Variants in CCDC148 observed in about 807,000 individuals in gnomAD.
CCDC148 encodes the protein coiled-coil domain-containing protein 148.
Under a neutral mutation model 85.7 loss-of-function variants are expected in CCDC148, and 89 were observed. That is an observed-to-expected ratio of 1.04 (90% CI 0.87 to 1.24). CCDC148 has a LOEUF of 1.24. Among genes scored for constraint, CCDC148 ranks in the 50% most tolerant of loss-of-function variants. The pLI, the probability that CCDC148 is intolerant of heterozygous loss-of-function variation, is 0.00. For synonymous variants in CCDC148, 230 were observed against 213.9 expected (o/e 1.08, Z -0.66); for missense variants, 692 against 671.7 (o/e 1.03, Z -0.33).
intron 1 of CCDC148, among the ~76,000 whole-genome samples, chr2:158,392,356 C>T (rs1474774191): frequency 1.3e-5 from 2 of 152,108 alleles, no homozygotes; most frequent in Admixed American, 1.3e-4. Context: ...CCTACTAATG[C>T]ACTTTTCAGC....
chr2:158,328,068 G>C (rs1044469132), intron 7 of CCDC148, among the ~76,000 whole-genome samples: 4 of 151,812 alleles, frequency 2.6e-5, no homozygotes, highest in African/African-American at 9.7e-5. Context: ...ACAATGTGCA[G>C]GTTAGTCATG....
In CCDC148 at chr2:158,456,539, C is replaced by T. The variant is rs1415360593; in HGVS notation, c.-100G>A. Reference sequence around the variant, plus strand: ...GCCGTCAGGGGTACATCTAAGGGCTCAGCTGTTCCTACCTTTGACGCCAGG... The same window carrying T: ...GCCGTCAGGGGTACATCTAAGGGCTTAGCTGTTCCTACCTTTGACGCCAGG... On this transcript the variant is annotated 5_prime_UTR_variant, in exon 1 of 14. Coordinates refer to ENST00000283233, the MANE Select transcript of CCDC148 (RefSeq NM_138803.4). 1 of 1,442,692 alleles carries T rather than the reference C, an allele frequency of 6.9e-7. No homozygotes were observed. Among genetic ancestry groups the T allele is most frequent in the African/African-American group, 1.4e-5 (1 of 70,238 alleles). 89.4% of individuals were successfully genotyped at this position (1,442,692 alleles called of 1,614,324 possible). A position where few individuals can be genotyped will look rare whatever the true frequency, so the allele number is the denominator to read the frequency against.
intron 3 of CCDC148, among the ~76,000 whole-genome samples, chr2:158,343,029 C>T (rs1682808082): frequency 6.6e-6 from 1 of 152,114 alleles, no homozygotes; most frequent in Non-Finnish European, 1.5e-5. Context: ...TGTTTTTAGA[C>T]ATGGGGTCTC....
intron 2 of CCDC148, among the ~76,000 whole-genome samples, chr2:158,346,557 G>A (rs549808509): frequency 2.6e-5 from 4 of 152,144 alleles, no homozygotes; most frequent in African/African-American, 9.6e-5. Context: ...ATTAAAAACC[G>A]CTCTACTCTA....
chr2:158,201,001 T>G (rs1685925943), intron 11 of CCDC148, among the ~76,000 whole-genome samples: 2 of 152,168 alleles, frequency 1.3e-5, no homozygotes, highest in Non-Finnish European at 2.9e-5. Flanking sequence ...GAATCAGCCA[T>G]TTGTTTCCCA....
chr2:158,250,385 C>G (rs1038342397), intron 10 of CCDC148, among the ~76,000 whole-genome samples: 1 of 151,952 alleles, frequency 6.6e-6, no homozygotes, highest in Non-Finnish European at 1.5e-5. Context: ...ATTCTACCAA[C>G]AAGGATGTTT....
chr2:158,306,489 T>C (rs1691691961), intron 9 of CCDC148, among the ~76,000 whole-genome samples: 1 of 152,130 alleles, frequency 6.6e-6, no homozygotes. Context: ...CATGGAATAC[T>C]ATGCAGCCAT....
chr2:158,388,086 G>A (rs1053798475), intron 1 of CCDC148, among the ~76,000 whole-genome samples: 1 of 152,148 alleles, frequency 6.6e-6, no homozygotes, highest in African/African-American at 2.4e-5. Context: ...TTCCTATATG[G>A]ATAATGCACA....
intron 9 of CCDC148, among the ~76,000 whole-genome samples, chr2:158,295,944 T>A (rs1258669665): frequency 1.3e-5 from 2 of 152,210 alleles, no homozygotes; most frequent in African/African-American, 2.4e-5. Flanking sequence ...TGTCCCTGTT[T>A]TCTTATTAAG....
chr2:158,387,602 T>C (rs1366683116), intron 1 of CCDC148, among the ~76,000 whole-genome samples: 1 of 152,044 alleles, frequency 6.6e-6, no homozygotes, highest in Non-Finnish European at 1.5e-5. Flanking sequence ...CATGGCAGAT[T>C]CTACCCTTCC....
intron 1 of CCDC148, among the ~76,000 whole-genome samples, chr2:158,429,149 G>T (rs1687214607): frequency 6.6e-6 from 1 of 151,816 alleles, no homozygotes; most frequent in African/African-American, 2.4e-5. Flanking sequence ...GGTGGGGGCA[G>T]GGGGGAGGGA....
chr2:158,235,979 C>T (rs1688087428), intron 10 of CCDC148: 1 of 152,442 alleles, frequency 6.6e-6, no homozygotes, highest in South Asian at 2.1e-4. Context: ...CCATGTTCCA[C>T]TTCGGCTGAA....
At chr2:158,366,327 T>G (rs1684201769) in intron 1 of CCDC148, among the ~76,000 whole-genome samples, 1 of 152,152 alleles carries the variant, frequency 6.6e-6, no homozygotes, top group African/African-American at 2.4e-5. Context: ...ATTGTTCCAG[T>G]GACTGATAAA....
chr2:158,349,274 G>A (rs1489300655), intron 2 of CCDC148, among the ~76,000 whole-genome samples: 1 of 151,890 alleles, frequency 6.6e-6, no homozygotes, highest in Non-Finnish European at 1.5e-5. Context: ...GAAAAGTGCT[G>A]TAATAATTAA....
chr2:158,429,245 C>A (rs975977232), intron 1 of CCDC148, among the ~76,000 whole-genome samples: 1 of 151,926 alleles, frequency 6.6e-6, no homozygotes. Flanking sequence ...CGTAACAAAC[C>A]TGCACATTGA....
At chr2:158,429,126 G>C (rs1450063154) in intron 1 of CCDC148, among the ~76,000 whole-genome samples, 1 of 151,602 alleles carries the variant, frequency 6.6e-6, no homozygotes, top group African/African-American at 2.4e-5. Flanking sequence ...TCACACAGTG[G>C]GGCCTGTCGT....
At chr2:158,383,158 T>A (rs1488518468) in intron 1 of CCDC148, among the ~76,000 whole-genome samples, 2 of 147,298 alleles carry the variant, frequency 1.4e-5, no homozygotes, top group Non-Finnish European at 3.0e-5. Context: ...AAAAATAAAA[T>A]AAATAAAAAT....
intron 10 of CCDC148, among the ~76,000 whole-genome samples, chr2:158,222,947 CT>C (rs1687268505): frequency 6.6e-6 from 1 of 152,170 alleles, no homozygotes; most frequent in Non-Finnish European, 1.5e-5. Context: ...GTTCATCTCA[CT>C]GAGGAGTGTC....
chr2:158,196,535 GGTTATGGGT>G (rs1469298233), intron 11 of CCDC148, among the ~76,000 whole-genome samples: 2 of 152,072 alleles, frequency 1.3e-5, no homozygotes, highest in African/African-American at 4.8e-5. Flanking sequence ...AGTACACCAT[GGTTATGGGT>G]CAAATTTCCC....
Sources: gnomAD v4.1 joint callset for allele counts (sites outside exome capture counted in the v4.1 genomes callset) on GRCh38, gnomAD v4.1.1 for gene constraint, MANE v1.5 for transcripts, NCBI Gene and HGNC (gene_info 2026-07-23, HGNC 2026-07-21) for gene names.